The following MAP4 variants were observed in gnomAD, a reference collection of about 807,000 sequenced individuals.
MAP4 encodes microtubule-associated protein 4.
In MAP4, 76 loss-of-function variants were observed where a neutral mutation model predicts 170.2. The observed-to-expected ratio is 0.45, with a 90% CI of 0.37 to 0.54. The LOEUF (loss-of-function observed/expected upper bound fraction) is 0.54, where lower values mean the gene tolerates loss of function less well. Among genes scored for constraint, MAP4 ranks in the 20% least tolerant of loss-of-function variants. The probability of loss-of-function intolerance (pLI) is 0.00; values close to 1 mark genes in which losing one functional copy is unlikely to be tolerated. For synonymous variants in MAP4, 909 were observed against 994.5 expected (o/e 0.91, Z 1.62); for missense variants, 2,506 against 2,748.0 (o/e 0.91, Z 1.97).
At chr3:47,930,362 G>A (rs1277433074) in intron 3 of MAP4, among the ~76,000 whole-genome samples, 1 of 150,948 alleles carries the variant, frequency 6.6e-6, no homozygotes, top group Non-Finnish European at 1.5e-5. Flanking sequence ...GGAGAATGGC[G>A]TGAACCCGGG....
At chr3:47,964,754 G>C (rs1000495717) in intron 3 of MAP4, among the ~76,000 whole-genome samples, 1 of 152,134 alleles carries the variant, frequency 6.6e-6, no homozygotes, top group Non-Finnish European at 1.5e-5. Context: ...CAGAACAAAC[G>C]TACAAAATAC....
intron 2 of MAP4, among the ~76,000 whole-genome samples, chr3:47,994,338 T>G (rs925840524): frequency 3.3e-5 from 5 of 152,318 alleles, no homozygotes; most frequent in Middle Eastern, 3.4e-3. Flanking sequence ...AAAGAAAACC[T>G]AGTATGAAGA....
At chr3:48,029,655 A>G (rs960608120) in intron 1 of MAP4, among the ~76,000 whole-genome samples, 1 of 152,192 alleles carries the variant, frequency 6.6e-6, no homozygotes, top group Non-Finnish European at 1.5e-5. Context: ...ATAATGGCAG[A>G]GATCTTACAT....
chr3:47,863,484 T>C (rs2072204129), intron 17 of MAP4, among the ~76,000 whole-genome samples: 1 of 151,362 alleles, frequency 6.6e-6, no homozygotes, highest in African/African-American at 2.4e-5. Context: ...GGCCCAAGTG[T>C]CCCCTCCTCG....
chr3:47,987,371 A>G, intron 2 of MAP4: 1 of 1,529,184 alleles, frequency 6.5e-7, no homozygotes, highest in Non-Finnish European at 8.8e-7. Flanking sequence ...TTCAGGGAAG[A>G]AAAGCACTTA....
chr3:47,936,263 G>A (rs1033165393), intron 3 of MAP4, among the ~76,000 whole-genome samples: 2 of 151,742 alleles, frequency 1.3e-5, no homozygotes, highest in African/African-American at 4.8e-5. Context: ...GTGAAAACCC[G>A]TCTCTACTAA....
intron 1 of MAP4, among the ~76,000 whole-genome samples, chr3:48,030,665 G>A (rs1250450025): frequency 1.3e-5 from 2 of 151,650 alleles, no homozygotes; most frequent in Non-Finnish European, 2.9e-5. Context: ...CAGGCATGAT[G>A]GTGGGTGCCT....
intron 1 of MAP4, among the ~76,000 whole-genome samples, chr3:48,047,650 C>T (rs1385647502): frequency 1.4e-4 from 21 of 152,140 alleles, no homozygotes; most frequent in Non-Finnish European, 1.3e-4. Flanking sequence ...GAAAGAAAAC[C>T]CAACATCTGT....
intron 2 of MAP4, chr3:47,987,268 A>C: frequency 2.8e-6 from 2 of 702,774 alleles, no homozygotes; most frequent in Non-Finnish European, 4.2e-6. Flanking sequence ...GCAGTAAACA[A>C]AATATTATTC....
intron 1 of MAP4, among the ~76,000 whole-genome samples, chr3:48,023,150 T>C (rs1010749779): frequency 2.0e-5 from 3 of 151,926 alleles, no homozygotes; most frequent in South Asian, 2.1e-4. Flanking sequence ...GTGGTGCAAA[T>C]GGTATATGAA....
intron 3 of MAP4, among the ~76,000 whole-genome samples, chr3:47,958,917 C>T (rs1412020856): frequency 6.6e-6 from 1 of 151,952 alleles, no homozygotes; most frequent in Non-Finnish European, 1.5e-5. Context: ...CTCTTGACCT[C>T]GTGATCCACC....
intron 1 of MAP4, among the ~76,000 whole-genome samples, chr3:48,045,054 C>G (rs1490173530): frequency 1.3e-5 from 2 of 151,626 alleles, no homozygotes; most frequent in Non-Finnish European, 2.9e-5. Flanking sequence ...GTCAGGAGTT[C>G]AAGACCAGCC....
intron 1 of MAP4, among the ~76,000 whole-genome samples, chr3:48,081,418 T>C (rs1433610926): frequency 6.6e-6 from 1 of 152,142 alleles, no homozygotes; most frequent in Non-Finnish European, 1.5e-5. Flanking sequence ...TGAAAAACAG[T>C]AATTTAAAAT....
At chr3:47,938,271 G>C in intron 3 of MAP4, among the ~76,000 whole-genome samples, 2 of 152,050 alleles carry the variant, frequency 1.3e-5, no homozygotes, top group African/African-American at 2.4e-5. Context: ...GGGAGGCTGA[G>C]ACAGGAGAAT....
intron 1 of MAP4, among the ~76,000 whole-genome samples, chr3:48,023,396 T>C (rs779981750): frequency 2.0e-5 from 3 of 152,296 alleles, no homozygotes; most frequent in Non-Finnish European, 4.4e-5. Context: ...CAATATAATG[T>C]ATCAAGAAAG....
intron 2 of MAP4, among the ~76,000 whole-genome samples, chr3:47,982,041 T>C (rs1382451359): frequency 1.3e-5 from 2 of 152,104 alleles, no homozygotes; most frequent in Admixed American, 1.3e-4. Flanking sequence ...TCCCAGCAAT[T>C]TGGGAAGCCA....
In MAP4 at chr3:47,909,731, CT is replaced by C; in HGVS notation, c.4689del (p.Val1564Ter). The C allele has an allele frequency of 6.2e-7, 1 of 1,614,022 alleles. No individual in the cohort carries two copies. The highest frequency in any genetic ancestry group is 1.7e-5 in the Admixed American group (1 of 60,028). ...TTTGCTAGCTCTGTGACTTTCTCTA[CT>C]GAATGCTTAGACGCACCACTGTGCA... ...ESVHSGASKHSVEKVTELAKG... is the reference protein window; with the variant it reads ...ESVHSGASKHXVEKVTELAKG... On this transcript the variant is annotated frameshift_variant, in exon 9 of 21. Transcript: ENST00000683076. LOFTEE classifies it high-confidence loss of function.
At chr3:47,915,424 G>A (rs186048766) in intron 7 of MAP4, among the ~76,000 whole-genome samples, 3 of 152,014 alleles carry the variant, frequency 2.0e-5, no homozygotes, top group African/African-American at 4.8e-5. Flanking sequence ...TCAATGTTTC[G>A]TTTTTTAAGA....
At chr3:48,027,807 C>T (rs940748610) in intron 1 of MAP4, among the ~76,000 whole-genome samples, 4 of 152,160 alleles carry the variant, frequency 2.6e-5, no homozygotes, top group Non-Finnish European at 5.9e-5. Context: ...AACTGCACCT[C>T]AGCCTTGGGT....
Sources: gnomAD v4.1 joint callset for allele counts (sites outside exome capture counted in the v4.1 genomes callset) on GRCh38, gnomAD v4.1.1 for gene constraint, MANE v1.5 for transcripts, NCBI Gene and HGNC (gene_info 2026-07-23, HGNC 2026-07-21) for gene names.